The following PKHD1 variants were observed in gnomAD, a reference collection of about 807,000 sequenced individuals.
PKHD1 encodes the protein fibrocystin.
Under a neutral mutation model 412.0 loss-of-function variants are expected in PKHD1, and 291 were observed. The ratio of observed to expected loss-of-function variants is 0.71; its 90% confidence interval spans 0.64 to 0.78. The LOEUF is 0.78. PKHD1 is among the 30% of genes least tolerant of loss of function. PKHD1 has a pLI of 0.00. For missense variants in PKHD1, 4,825 were observed against 4,950.7 expected, an observed-to-expected ratio of 0.97 and a Z score of 0.76; for synonymous variants, 1,777 against 1,821.5, an observed-to-expected ratio of 0.98 and a Z score of 0.62.
At chr6:51,759,309 C>A (rs543148462) in intron 55 of PKHD1, among the ~76,000 whole-genome samples, 71 of 152,252 alleles carry the variant, frequency 4.7e-4, no homozygotes, top group South Asian at 4.6e-3. Flanking sequence ...CTGAGAACTG[C>A]TCCCATCCAC....
chr6:51,839,459 TG>T (rs1246918257), intron 50 of PKHD1, among the ~76,000 whole-genome samples: 1 of 152,180 alleles, frequency 6.6e-6, no homozygotes, highest in Non-Finnish European at 1.5e-5. Context: ...GAGTGCTATG[TG>T]ATCTAAACTT....
At chr6:51,980,953 T>C (rs903114471) in intron 35 of PKHD1, among the ~76,000 whole-genome samples, 8 of 152,226 alleles carry the variant, frequency 5.3e-5, no homozygotes, top group Non-Finnish European at 1.0e-4. Context: ...TAACAGCCTT[T>C]AGTAGCATAG....
At chr6:51,802,343 A>G (rs961544479) in intron 52 of PKHD1, among the ~76,000 whole-genome samples, 1 of 151,590 alleles carries the variant, frequency 6.6e-6, no homozygotes, top group Non-Finnish European at 1.5e-5. Context: ...TCTGATGTTA[A>G]ACTACAGTTT....
chr6:51,645,754 T>A (rs999035048), intron 63 of PKHD1, among the ~76,000 whole-genome samples: 4 of 152,208 alleles, frequency 2.6e-5, no homozygotes, highest in Non-Finnish European at 5.9e-5. Flanking sequence ...ATTTCTCATC[T>A]AAAATAGCAA....
At chr6:51,773,993 A>G (rs1269722512) in intron 54 of PKHD1, among the ~76,000 whole-genome samples, 1 of 151,934 alleles carries the variant, frequency 6.6e-6, no homozygotes, top group African/African-American at 2.4e-5. Flanking sequence ...ATAAGACATC[A>G]TCATCTAAAA....
At chr6:51,820,566 C>G (rs1003400000) in intron 52 of PKHD1, among the ~76,000 whole-genome samples, 1 of 152,134 alleles carries the variant, frequency 6.6e-6, no homozygotes, top group Non-Finnish European at 1.5e-5. Context: ...AACAATATAA[C>G]TGATTTCTTT....
intron 12 of PKHD1, 77 bp downstream of exon 12, chr6:52,065,899 C>G (rs1809618166): frequency 5.0e-6 from 4 of 795,742 alleles, no homozygotes; most frequent in Non-Finnish European, 9.0e-6. Flanking sequence ...CTCCTGCATC[C>G]CTCATGCCAT....
chr6:51,934,424 T>G (rs1349688274), intron 36 of PKHD1, 102 bp from the exon 37 acceptor site: 1 of 772,636 alleles, frequency 1.3e-6, no homozygotes, highest in Non-Finnish European at 2.3e-6. Context: ...ATACTTCTGC[T>G]GGAATGTAGA....
At chr6:51,702,141 CATATT>C (rs899903759) in intron 60 of PKHD1, among the ~76,000 whole-genome samples, 2 of 94,536 alleles carry the variant, frequency 2.1e-5, no homozygotes, top group African/African-American at 6.9e-5. Flanking sequence ...GATAAAAATA[CATATT>C]ATTATATATT....
intron 60 of PKHD1, among the ~76,000 whole-genome samples, chr6:51,694,787 A>T (rs1051160326): frequency 3.3e-5 from 5 of 152,212 alleles, no homozygotes; most frequent in African/African-American, 1.2e-4. Context: ...GACTGTGTGT[A>T]TAAACAGACT....
chr6:51,702,962 G>C (rs1779622205), intron 60 of PKHD1, among the ~76,000 whole-genome samples: 1 of 146,346 alleles, frequency 6.8e-6, no homozygotes, highest in South Asian at 2.1e-4. Context: ...GTTTGTTCTA[G>C]ATAACAAGGA....
intron 35 of PKHD1, among the ~76,000 whole-genome samples, chr6:52,002,058 A>C (rs1188938944): frequency 6.6e-6 from 1 of 152,234 alleles, no homozygotes; most frequent in Non-Finnish European, 1.5e-5. Context: ...ACAAGGTAGG[A>C]ATTAACAGAC....
At chr6:51,696,846 TAA>T (rs1268904689) in intron 60 of PKHD1, among the ~76,000 whole-genome samples, 5 of 152,132 alleles carry the variant, frequency 3.3e-5, no homozygotes, top group African/African-American at 1.2e-4. Context: ...AAATTAACTG[TAA>T]AAGAGAAGAG....
chr6:51,940,382 C>T (rs1374345753), intron 36 of PKHD1, among the ~76,000 whole-genome samples: 1 of 151,672 alleles, frequency 6.6e-6, no homozygotes, highest in East Asian at 1.9e-4. Context: ...ATCTCCAGCA[C>T]ACAAGAACTC....
chr6:51,720,651 T>G (rs1375095285), intron 60 of PKHD1, among the ~76,000 whole-genome samples: 2 of 152,054 alleles, frequency 1.3e-5, no homozygotes, highest in Admixed American at 1.3e-4. Context: ...CTTATAGCAC[T>G]CCTATTTTTT....
Position 52,053,189 on chromosome 6 carries a change from G to T in PKHD1, c.2027C>A (p.Pro676His), listed in dbSNP as rs115045643. ...TCVRCFGDLQ[P>H]PPANSPVLVH... is the part of the protein sequence containing the mutation. ...CAGCACTGGGGAGTTTGCCGGAGGG[G>T]GCTGGAGATCCCCGAAGCAACGCAC... The change falls in exon 21 of 67, where the codon CCC (proline) becomes CAC (histidine). Residue 676 changes from proline to histidine, a missense_variant. Physicochemically the swap from Pro to His is moderately conservative, Grantham distance 77. Transcript: ENST00000371117. The T allele has an allele frequency of 2.5e-6, 4 of 1,614,074 alleles. No individual in the cohort carries two copies. Among genetic ancestry groups the T allele is most frequent in the African/African-American group, 1.3e-5 (1 of 74,928 alleles).
intron 35 of PKHD1, among the ~76,000 whole-genome samples, chr6:51,971,656 C>T (rs1278311877): frequency 2.6e-5 from 4 of 152,018 alleles, no homozygotes; most frequent in Non-Finnish European, 5.9e-5. Flanking sequence ...GATATGTGTG[C>T]TTAGGGGGAT....
rs28937907 is a variant in PKHD1, at chr6:52,024,819, G to A, written c.4991C>T (p.Ser1664Phe). Reference protein sequence around the residue: ...KAFTPELISISQSDDILTFAV... With the variant: ...KAFTPELISIFQSDDILTFAV... ...AAAGGTTAAGATGTCATCGCTCTGA[G>A]AAATAGAGATCAATTCTGGGGTAAA... The change falls in exon 32 of 67, where the codon TCT (serine) becomes TTT (phenylalanine). Residue 1664 changes from serine to phenylalanine, a missense_variant. Coordinates refer to ENST00000371117, the MANE Select transcript of PKHD1 (RefSeq NM_138694.4). 8 of 1,614,222 alleles carry A rather than the reference G, an allele frequency of 5.0e-6. No homozygotes were observed. Among genetic ancestry groups the A allele is most frequent in the Non-Finnish European group, 6.8e-6 (8 of 1,180,038 alleles).
At position 51,681,414 on chromosome 6, in the gene PKHD1, C is replaced by T. The variant is rs77690738; in HGVS notation, c.10157-21445G>A. 5.9e-3 allele frequency among the ~76,000 whole-genome samples: 901 copies of T among 152,150 alleles called. 3 individuals are homozygous for T. Among genetic ancestry groups the T allele is most frequent in the Non-Finnish European group, 9.5e-3 (647 of 67,952 alleles). On this transcript the variant is annotated intron_variant, in intron 60 of 66. Coordinates refer to ENST00000371117, the MANE Select transcript of PKHD1 (RefSeq NM_138694.4). ...ACCACTGCTATTGCCCCTTAACTAG[C>T]AAATAAATACTGCCACCTTGTAAAG...
Sources: gnomAD v4.1 joint callset for allele counts (sites outside exome capture counted in the v4.1 genomes callset) on GRCh38, gnomAD v4.1.1 for gene constraint, MANE v1.5 for transcripts, NCBI Gene and HGNC (gene_info 2026-07-23, HGNC 2026-07-21) for gene names.